Variants in PTPRH observed in about 807,000 individuals in gnomAD.
The protein encoded by PTPRH is protein tyrosine phosphatase receptor type H.
PTPRH carries 113 observed loss-of-function variants against 130.2 expected under a neutral mutation model. The ratio of observed to expected loss-of-function variants is 0.87; its 90% confidence interval spans 0.75 to 1.01. The LOEUF is 1.01. Among genes scored for constraint, PTPRH ranks in the 50% least tolerant of loss-of-function variants. The pLI is 0.00. For missense variants in PTPRH, 1,430 were observed against 1,425.0 expected, an observed-to-expected ratio of 1.00 and a Z score of -0.06; for synonymous variants, 556 against 577.9, an observed-to-expected ratio of 0.96 and a Z score of 0.54.
intron 5 of PTPRH, 114 bp from the exon 6 acceptor site, chr19:55,202,436 T>C (rs975512781): frequency 2.1e-6 from 3 of 1,452,782 alleles, no homozygotes; most frequent in African/African-American, 2.8e-5. Context: ...AGTTCTGCAC[T>C]GTCCAGTGTG....
chr19:55,183,439 T>C (rs1471191992), intron 18 of PTPRH, among the ~76,000 whole-genome samples: 2 of 151,488 alleles, frequency 1.3e-5, no homozygotes, highest in Non-Finnish European at 2.9e-5. Context: ...ATTAGCTATT[T>C]TAAGCTGGGC....
Position 55,182,040 on chromosome 19 carries a change from ACT to A in PTPRH, c.3172_3173del (p.Arg1059AlafsTer7), listed in dbSNP as rs796794531. On this transcript the variant is annotated frameshift_variant, in exon 19 of 20. Coordinates refer to ENST00000376350, the MANE Select transcript of PTPRH (RefSeq NM_002842.5). LOFTEE classifies it low-confidence loss of function (END_TRUNC). ...PFSFVRKMRE[S>X]RPLMVQTEAQ... The stretch of plus-strand genomic sequence containing the variant: ...CCTCAGTCTGCACCATCAACGGCCG[ACT>A]CTCTCTCATCTTCCTTACAAAGCTG... The A allele has an allele frequency of 6.2e-7, 1 of 1,613,306 alleles. No homozygotes were observed. Among genetic ancestry groups the A allele is most frequent in the East Asian group, 2.2e-5 (1 of 44,830 alleles).
At position 55,206,745 on chromosome 19, in the gene PTPRH, A is replaced by G. The variant is rs1476161697; in HGVS notation, c.296T>C (p.Val99Ala). Residue 99 changes from valine (V) to alanine (A), a missense_variant, in exon 3 of 20, where the codon GTG becomes GCG. Transcript: ENST00000376350. ...LGPGSLYTCSVWVEKDGVNSS... is the reference protein window; with the variant it reads ...LGPGSLYTCSAWVEKDGVNSS... Reference sequence around the variant, plus strand: ...ATTTACTCCGTCTTTCTCCACCCACACAGAACACGTATACAATGACCCGGG... The same window carrying G: ...ATTTACTCCGTCTTTCTCCACCCACGCAGAACACGTATACAATGACCCGGG... The G allele has an allele frequency of 6.2e-7, 1 of 1,613,636 alleles. No homozygotes were observed. The highest frequency in any genetic ancestry group is 2.2e-5 in the East Asian group (1 of 44,876).
rs1405541275 is a variant in PTPRH at position 55,187,370 on chromosome 19, A to G, written c.2566+143T>C. The stretch of plus-strand genomic sequence containing the variant: ...AAAAAAAAAAAAAAAAGAAAAAAAG[A>G]AAAAAAAAAAAGGAAGAAAAAAAAA... On this transcript the variant is annotated intron_variant, in intron 14 of 19. Transcript: ENST00000376350. The G allele has an allele frequency of 1.1e-4, 20 of 179,034 alleles. No homozygotes were observed. In the South Asian group the frequency reaches 2.5e-3, roughly 22 times the overall value. The allele number at this position is 179,034 out of a possible 1,614,324, so 11.1% of individuals were successfully genotyped here. A position where few individuals can be genotyped will look rare whatever the true frequency, so the allele number is the denominator to read the frequency against.
rs751095187 is a variant in PTPRH, at chr19:55,185,638, C to G, written c.2926G>C (p.Val976Leu). 6.2e-7 allele frequency: 1 copy of G among 1,614,154 alleles called. No homozygotes were observed. Among genetic ancestry groups the G allele is most frequent in the Non-Finnish European group, 8.5e-7 (1 of 1,179,992 alleles). The change falls in exon 18 of 20, where the codon GTG becomes CTG. Residue 976 changes from valine (V) to leucine (L), a missense_variant. Val to Leu is a conservative substitution (Grantham distance 32). Coordinates refer to ENST00000376350, the MANE Select transcript of PTPRH (RefSeq NM_002842.5). ...CAGGCCTGGTAGTGGAATTGGCGCA[C>G]AGACAGTGTCTTCTGCTCCTCCACC... The part of the protein sequence containing the change: ...LQVEEQKTLS[V>L]RQFHYQAWPD...
rs199739996 is a variant in PTPRH at position 55,203,904 on chromosome 19, C to T, written c.764G>A (p.Arg255Gln). The change falls in exon 5 of 20, where the codon CGA (arginine) becomes CAA (glutamine). Residue 255 changes from arginine to glutamine, a missense_variant. Coordinates refer to ENST00000376350, the MANE Select transcript of PTPRH (RefSeq NM_002842.5). ...GGTGACTCTGGTGTCTGTTGTGTTT[C>T]GAGTCTCTGTTCTGCCACCATCTCC... ...CTGDGGRTET[R>Q]NTTDTRVTVD... 1.2e-4 allele frequency: 190 copies of T among 1,614,040 alleles called. No homozygotes were observed. Among genetic ancestry groups the T allele is most frequent in the Middle Eastern group, 1.2e-3 (7 of 6,084 alleles).
At chr19:55,185,778 G>A in intron 17 of PTPRH, 84 bp downstream of exon 17, 1 of 1,604,962 alleles carries the variant, frequency 6.2e-7, no homozygotes, top group Non-Finnish European at 8.5e-7. Context: ...GTGGGTGGAA[G>A]GTTGGAGTTG....
rs781389046 is a variant in PTPRH at position 55,197,280 on chromosome 19, C to T, written c.1827G>A (p.Arg609=). The T allele has an allele frequency of 1.9e-6, 3 of 1,614,270 alleles. No homozygotes were observed. The East Asian group carries it at 6.7e-5, about 36-fold the overall frequency. ...WVQWASKGHP[R]RGQDPQANWV... Reference sequence around the variant, plus strand: ...AATTCGCTTGGGGATCTTGCCCCCTCCGGGGATGTCCCTTGCTGGCCCACT... The same window carrying T: ...AATTCGCTTGGGGATCTTGCCCCCTTCGGGGATGTCCCTTGCTGGCCCACT... The change falls in exon 9 of 20, where the codon CGG becomes CGA. Residue 609 remains arginine, a synonymous_variant. Coordinates refer to ENST00000376350, the MANE Select transcript of PTPRH (RefSeq NM_002842.5).
In PTPRH at chr19:55,181,630, G is replaced by T; in HGVS notation, c.*124C>A. 1 of 1,357,306 alleles carries T rather than the reference G, an allele frequency of 7.4e-7. No homozygotes were observed. The allele number at this position is 1,357,306 out of a possible 1,614,324, so 84.1% of individuals were successfully genotyped here. A position where few individuals can be genotyped will look rare whatever the true frequency, so the allele number is the denominator to read the frequency against. On this transcript the variant is annotated 3_prime_UTR_variant, in exon 20 of 20. Coordinates refer to ENST00000376350, the MANE Select transcript of PTPRH (RefSeq NM_002842.5). Reference sequence around the variant, plus strand: ...GGGGAAACCAGAGTTTGGGATACCAGCCCCCTCCTCCCACAGCACCCAGGA... The same window carrying T: ...GGGGAAACCAGAGTTTGGGATACCATCCCCCTCCTCCCACAGCACCCAGGA...
chr19:55,185,463 C>G, intron 18 of PTPRH, 39 bp downstream of exon 18: 1 of 1,604,502 alleles, frequency 6.2e-7, no homozygotes, highest in Non-Finnish European at 8.5e-7. Context: ...CCCAAGGGAG[C>G]GGTTCTCTCA....
In PTPRH at chr19:55,181,767, T is replaced by G; in HGVS notation, c.3335A>C (p.Lys1112Thr). 1 of 1,614,130 alleles carries G rather than the reference T, an allele frequency of 6.2e-7. No homozygotes were observed. The highest frequency in any genetic ancestry group is 8.5e-7 in the Non-Finnish European group (1 of 1,180,032). The change falls in exon 20 of 20, where the codon AAG (lysine) becomes ACG (threonine). Residue 1112 changes from lysine to threonine, a missense_variant. Coordinates refer to ENST00000376350, the MANE Select transcript of PTPRH (RefSeq NM_002842.5). ...CCCCCTCGTCACTTAGACCTCCAAC[T>G]TGTGGGCCTGGATGGCGGCCACGTT... ...YENVAAIQAHKLEV is the reference protein window; with the variant it reads ...YENVAAIQAHTLEV
Position 55,181,457 on chromosome 19 carries a change from A to G in PTPRH, c.*297T>C, listed in dbSNP as rs2086168668. 3.1e-6 allele frequency: 1 copy of G among 322,568 alleles called. No individual in the cohort carries two copies. Among genetic ancestry groups the G allele is most frequent in the Non-Finnish European group, 5.7e-6 (1 of 173,996 alleles). 20.0% of individuals were successfully genotyped at this position (322,568 alleles called of 1,614,324 possible). On this transcript the variant is annotated 3_prime_UTR_variant, in exon 20 of 20. Transcript: ENST00000376350. ...CCAGACCCAAATTCCTTCCTGCCTC[A>G]GAATCCAGGCCCCAGCCTGTTTCTT...
intron 14 of PTPRH, 22 bp downstream of exon 14, chr19:55,187,491 G>C: frequency 6.3e-7 from 1 of 1,594,836 alleles, no homozygotes. Flanking sequence ...TGGGACAAAA[G>C]CAGCAGGAAC....
At position 55,191,847 on chromosome 19, in the gene PTPRH, C is replaced by T. The variant is rs541352025; in HGVS notation, c.2258-106G>A. 158 of 955,860 alleles carry T rather than the reference C, an allele frequency of 1.7e-4. No homozygotes were observed. In the South Asian group the frequency reaches 1.8e-3, roughly 11 times the overall value. 59.2% of individuals were successfully genotyped at this position (955,860 alleles called of 1,614,324 possible). On this transcript the variant is annotated intron_variant, in intron 10 of 19. Transcript: ENST00000376350. ...CTTCCCCAGGAGCCTGGTCCAAAGA[C>T]AGCTGACCCCCGAACATCACACGGT...
chr19:55,188,049 T>A, intron 13 of PTPRH, 29 bp downstream of exon 13: 1 of 1,583,810 alleles, frequency 6.3e-7, no homozygotes, highest in Non-Finnish European at 8.7e-7. Context: ...GGAGGGAGAC[T>A]GAGCTCAGCC....
In PTPRH at chr19:55,186,232, G is replaced by A. The variant is rs370222219; in HGVS notation, c.2771C>T (p.Ala924Val). The change falls in exon 16 of 20, where the codon GCC (alanine) becomes GTC (valine). Residue 924 changes from alanine to valine, a missense_variant. By Grantham distance (64) the Ala-to-Val change is moderately conservative. Transcript: ENST00000376350. ...AGGACTCAGATCTCTCACCCGGCCG[G>A]CCTCCATGCAGTTGGTCAGCATGAC... ...TLVMLTNCME[A>V]GRVKCEHYWP... 1.9e-6 allele frequency: 3 copies of A among 1,609,216 alleles called. No homozygotes were observed. The highest frequency in any genetic ancestry group is 2.5e-6 in the Non-Finnish European group (3 of 1,176,526).
At chr19:55,193,502 A>C (rs1012691143) in intron 10 of PTPRH, among the ~76,000 whole-genome samples, 2 of 152,302 alleles carry the variant, frequency 1.3e-5, no homozygotes, top group South Asian at 4.1e-4. Context: ...GGTTCTCAAC[A>C]AGGGTGATTT....
intron 12 of PTPRH, chr19:55,189,859 T>C: frequency 4.9e-6 from 2 of 411,538 alleles, no homozygotes; most frequent in Admixed American, 2.6e-5. Flanking sequence ...CCAGGCATTG[T>C]GGTGCGTGCC....
At chr19:55,188,507 C>T (rs574492333) in intron 12 of PTPRH, among the ~76,000 whole-genome samples, 12 of 151,904 alleles carry the variant, frequency 7.9e-5, no homozygotes, top group Middle Eastern at 3.4e-3. Context: ...GGCGAGACTC[C>T]GTCTCAAAAA....
Sources: gnomAD v4.1 joint callset for allele counts (sites outside exome capture counted in the v4.1 genomes callset) on GRCh38, gnomAD v4.1.1 for gene constraint, MANE v1.5 for transcripts, NCBI Gene and HGNC (gene_info 2026-07-23, HGNC 2026-07-21) for gene names.